Variants in GPC5 observed in about 807,000 individuals in gnomAD.
GPC5 encodes glypican 5.
A neutral mutation model predicts 53.9 loss-of-function variants in GPC5; 47 were observed. The ratio of observed to expected loss-of-function variants is 0.87; its 90% CI spans 0.69 to 1.11. The LOEUF (loss-of-function observed/expected upper bound fraction) is 1.11. Among genes scored for constraint, GPC5 ranks in the 50% most tolerant of loss-of-function variants. The pLI is 0.00. For missense variants in GPC5, 748 were observed against 713.1 expected (o/e 1.05, Z -0.56); for synonymous variants, 286 against 263.3 (o/e 1.09, Z -0.84).
chr13:91,585,688 G>A (rs2032537741), intron 2 of GPC5, among the ~76,000 whole-genome samples: 1 of 152,140 alleles, frequency 6.6e-6, no homozygotes, highest in Admixed American at 6.6e-5. Context: ...TGCTGGTGAT[G>A]GTGCTTTTTG....
At chr13:91,402,589 C>T (rs1877032579) in intron 1 of GPC5, among the ~76,000 whole-genome samples, 1 of 152,138 alleles carries the variant, frequency 6.6e-6, no homozygotes, top group Admixed American at 6.5e-5. Context: ...TCTGTTTTCT[C>T]ATTTAGAAAT....
intron 6 of GPC5, among the ~76,000 whole-genome samples, chr13:92,052,744 C>T (rs984372023): frequency 2.6e-5 from 4 of 152,158 alleles, no homozygotes; most frequent in Non-Finnish European, 5.9e-5. Flanking sequence ...GCTGGCTTCA[C>T]CTCTCAGTAG....
At chr13:91,565,247 C>T (rs766102573) in intron 2 of GPC5, among the ~76,000 whole-genome samples, 3 of 152,120 alleles carry the variant, frequency 2.0e-5, no homozygotes, top group African/African-American at 4.8e-5. Context: ...ACCTCTGCCT[C>T]CCAAAGTGTT....
At chr13:92,250,613 C>T (rs1177394132) in intron 7 of GPC5, among the ~76,000 whole-genome samples, 6 of 152,170 alleles carry the variant, frequency 3.9e-5, no homozygotes, top group East Asian at 3.9e-4. Context: ...GCTTGACCGC[C>T]GCTGCTGTGG....
chr13:91,732,345 C>T (rs144026516), intron 4 of GPC5, among the ~76,000 whole-genome samples: 17 of 148,956 alleles, frequency 1.1e-4, no homozygotes, highest in African/African-American at 1.7e-4. Context: ...TTGAAAATGT[C>T]GGTTCATATC....
chr13:91,468,874 C>CT (rs5805695), intron 2 of GPC5, among the ~76,000 whole-genome samples: 3,012 of 135,002 alleles, frequency 0.022, 74 homozygotes, highest in African/African-American at 0.045. Flanking sequence ...AGATAATGGT[C>CT]TTTTTTTTTT....
At chr13:92,139,639 C>A (rs1490388340) in intron 6 of GPC5, among the ~76,000 whole-genome samples, 1 of 129,678 alleles carries the variant, frequency 7.7e-6, no homozygotes, top group African/African-American at 3.0e-5. Context: ...TGCTTTCCAG[C>A]CTGGGTGACA....
At chr13:91,650,197 A>G (rs889512078) in intron 2 of GPC5, among the ~76,000 whole-genome samples, 8 of 152,120 alleles carry the variant, frequency 5.3e-5, no homozygotes, top group African/African-American at 1.9e-4. Context: ...AGTTTGTGTG[A>G]TCATTACCAG....
chr13:92,151,133 C>T (rs2041904850), intron 7 of GPC5, among the ~76,000 whole-genome samples: 1 of 151,866 alleles, frequency 6.6e-6, no homozygotes, highest in Non-Finnish European at 1.5e-5. Context: ...GACTTCAGTC[C>T]CTCTAACTGT....
At chr13:91,634,803 A>G (rs953118402) in intron 2 of GPC5, among the ~76,000 whole-genome samples, 1 of 152,112 alleles carries the variant, frequency 6.6e-6, no homozygotes, top group Non-Finnish European at 1.5e-5. Context: ...TGTTAAAAAA[A>G]AGTGTTCCAT....
intron 3 of GPC5, among the ~76,000 whole-genome samples, chr13:91,697,386 C>T (rs914983695): frequency 1.3e-5 from 2 of 152,248 alleles, no homozygotes; most frequent in East Asian, 3.9e-4. Context: ...TGTGATCTGC[C>T]CGCCTTGGCC....
chr13:92,656,502 C>T (rs1266151296), intron 7 of GPC5, among the ~76,000 whole-genome samples: 1 of 152,136 alleles, frequency 6.6e-6, no homozygotes. Context: ...GGCCCAGGTA[C>T]ACAATAGAGA....
chr13:91,679,624 T>C (rs1298004824), intron 2 of GPC5, among the ~76,000 whole-genome samples: 1 of 152,236 alleles, frequency 6.6e-6, no homozygotes, highest in East Asian at 1.9e-4. Flanking sequence ...GCAAAACTGC[T>C]GGGGCTTTAG....
At chr13:91,401,687 G>A (rs538743148) in intron 1 of GPC5, among the ~76,000 whole-genome samples, 1 of 152,268 alleles carries the variant, frequency 6.6e-6, no homozygotes, top group South Asian at 2.1e-4. Flanking sequence ...GGTAGAATAA[G>A]TTTTTAGTTT....
At chr13:92,352,157 A>G (rs927093756) in intron 7 of GPC5, among the ~76,000 whole-genome samples, 8 of 152,176 alleles carry the variant, frequency 5.3e-5, no homozygotes, top group African/African-American at 1.9e-4. Context: ...ATATGACAAA[A>G]TTGGCATGCC....
rs545560276 is a variant in GPC5 at position 92,548,796 on chromosome 13, T to A, written c.1562-317486T>A. 9.9e-5 allele frequency among the ~76,000 whole-genome samples: 15 copies of A among 152,280 alleles called. No individual in the cohort carries two copies. The East Asian group carries it at 2.7e-3, about 27-fold the overall frequency. ...CTTGGTCTACTTTGTTAATATCAAG[T>A]CTGCTCTACAAATTGGAAACCCATT... On this transcript the variant is annotated intron_variant, in intron 7 of 7. Coordinates refer to ENST00000377067, the MANE Select transcript of GPC5 (RefSeq NM_004466.6).
intron 7 of GPC5, among the ~76,000 whole-genome samples, chr13:92,251,825 T>A (rs2042694635): frequency 6.6e-6 from 1 of 152,108 alleles, no homozygotes; most frequent in African/African-American, 2.4e-5. Context: ...TAGCCCCAAA[T>A]GGCTGTATTT....
chr13:92,675,826 G>A (rs1364933719), intron 7 of GPC5, among the ~76,000 whole-genome samples: 1 of 152,006 alleles, frequency 6.6e-6, no homozygotes, highest in African/African-American at 2.4e-5. Context: ...GAACAAGCAG[G>A]AGGTGCTTCT....
chr13:91,560,320 T>G (rs1043150432), intron 2 of GPC5, among the ~76,000 whole-genome samples: 3 of 152,122 alleles, frequency 2.0e-5, no homozygotes, highest in Non-Finnish European at 4.4e-5. Context: ...AGTACCTTAG[T>G]CTTTGAAATG....
Sources: gnomAD v4.1 joint callset for allele counts (sites outside exome capture counted in the v4.1 genomes callset) on GRCh38, gnomAD v4.1.1 for gene constraint, MANE v1.5 for transcripts, NCBI Gene and HGNC (gene_info 2026-07-23, HGNC 2026-07-21) for gene names.